Variants in SLCO1A2 observed in about 807,000 individuals in gnomAD.
SLCO1A2 encodes the protein OATP-1.
Under a neutral mutation model 69.0 loss-of-function variants are expected in SLCO1A2, and 67 were observed. The ratio of observed to expected loss-of-function variants is 0.97; its 90% confidence interval spans 0.80 to 1.19. SLCO1A2 has a LOEUF of 1.19. Among genes scored for constraint, SLCO1A2 ranks in the 50% most tolerant of loss-of-function variants. The pLI is 0.00. For missense variants in SLCO1A2, 787 were observed against 793.7 expected (o/e 0.99, Z 0.10); for synonymous variants, 260 against 265.9 (o/e 0.98, Z 0.22).
intron 12 of SLCO1A2, among the ~76,000 whole-genome samples, chr12:21,286,060 A>T (rs1239112562): frequency 4.6e-5 from 7 of 151,942 alleles, no homozygotes; most frequent in Non-Finnish European, 8.8e-5. Flanking sequence ...GAAAAGAGGA[A>T]GTCAAATTGT....
intron 1 of SLCO1A2, among the ~76,000 whole-genome samples, chr12:21,407,457 A>G (rs1941839120): frequency 6.6e-6 from 1 of 152,232 alleles, no homozygotes; most frequent in East Asian, 1.9e-4. Flanking sequence ...ATGGGAATCC[A>G]TAGGAGGGTG....
intron 1 of SLCO1A2, among the ~76,000 whole-genome samples, chr12:21,410,351 A>G (rs542974243): frequency 6.6e-6 from 1 of 152,230 alleles, no homozygotes; most frequent in Non-Finnish European, 1.5e-5. Flanking sequence ...AACTTTATAT[A>G]TAGAGAGATC....
rs181706104 is a variant in SLCO1A2 at position 21,361,594 on chromosome 12, C to T, written c.-63+12805G>A. On this transcript the variant is annotated intron_variant, in intron 2 of 15. Transcript: ENST00000307378. ...GAAGATTGGTAATAACAAACTTCTCCGAGCTAAAGGAGGATGTTTGAACCT... is the reference window on the plus strand; with the variant it reads ...GAAGATTGGTAATAACAAACTTCTCTGAGCTAAAGGAGGATGTTTGAACCT... 3.7e-4 allele frequency among the ~76,000 whole-genome samples: 57 copies of T among 152,170 alleles called. 1 individual carries two copies. The East Asian group carries it at 4.8e-3, about 13-fold the overall frequency.
chr12:21,339,514 GTC>G (rs1199008262), upstream of SLCO1A2, among the ~76,000 whole-genome samples: 3 of 151,924 alleles, frequency 2.0e-5, no homozygotes, highest in South Asian at 2.1e-4. Flanking sequence ...AATGAAGACA[GTC>G]TCTATCTTTG....
intron 1 of SLCO1A2, among the ~76,000 whole-genome samples, chr12:21,384,867 G>A (rs1383406887): frequency 6.7e-6 from 1 of 150,354 alleles, no homozygotes; most frequent in Non-Finnish European, 1.5e-5. Context: ...CCAGGTTCAC[G>A]CCATTCTCCA....
intron 2 of SLCO1A2, among the ~76,000 whole-genome samples, chr12:21,352,664 A>G (rs1938054148): frequency 6.6e-6 from 1 of 152,250 alleles, no homozygotes; most frequent in Non-Finnish European, 1.5e-5. Context: ...ATATTTGTTC[A>G]GAATACACAA....
intron 2 of SLCO1A2, among the ~76,000 whole-genome samples, chr12:21,341,767 C>T (rs986388380): frequency 6.6e-6 from 1 of 151,952 alleles, no homozygotes; most frequent in South Asian, 2.1e-4. Context: ...TACTTTGGGA[C>T]GAGCCAATAA....
upstream of SLCO1A2, among the ~76,000 whole-genome samples, chr12:21,338,084 G>A (rs1314578678): frequency 5.9e-5 from 9 of 151,978 alleles, no homozygotes; most frequent in Admixed American, 5.9e-4. Flanking sequence ...TGAATTCTGT[G>A]TTTAGGGGAA....
At chr12:21,279,081 C>T (rs1356154000) in intron 12 of SLCO1A2, among the ~76,000 whole-genome samples, 1 of 151,774 alleles carries the variant, frequency 6.6e-6, no homozygotes, top group African/African-American at 2.4e-5. Context: ...GCCTCAGAAT[C>T]TCTTAATAGC....
intron 2 of SLCO1A2, among the ~76,000 whole-genome samples, chr12:21,356,535 T>A (rs1040623878): frequency 1.7e-4 from 22 of 127,842 alleles, no homozygotes; most frequent in African/African-American, 5.8e-4. Flanking sequence ...AAAAAATGAG[T>A]CATGATCATA....
intron 9 of SLCO1A2, 49 bp from the exon 10 acceptor site, chr12:21,295,841 C>A (rs1223595822): frequency 1.9e-6 from 2 of 1,034,872 alleles, no homozygotes; most frequent in East Asian, 2.6e-5. Flanking sequence ...ACCAAAGGAA[C>A]AAATATGTTA....
At chr12:21,328,485 T>C (rs1952403360) in intron 2 of SLCO1A2, among the ~76,000 whole-genome samples, 1 of 152,134 alleles carries the variant, frequency 6.6e-6, no homozygotes, top group African/African-American at 2.4e-5. Flanking sequence ...GCTGGATAGA[T>C]GCCTATTCAC....
At chr12:21,318,257 T>C (rs935022587) in intron 3 of SLCO1A2, among the ~76,000 whole-genome samples, 2 of 151,986 alleles carry the variant, frequency 1.3e-5, no homozygotes, top group African/African-American at 4.8e-5. Flanking sequence ...TAGCTGGGAC[T>C]ACAGGCGCCC....
At chr12:21,359,532 T>C (rs1938646129) in intron 2 of SLCO1A2, among the ~76,000 whole-genome samples, 1 of 152,172 alleles carries the variant, frequency 6.6e-6, no homozygotes, top group African/African-American at 2.4e-5. Flanking sequence ...TGGCAAGCCA[T>C]GTCCATGCAT....
chr12:21,406,162 G>GTGTGTGTC (rs563573968), intron 1 of SLCO1A2, among the ~76,000 whole-genome samples: 82 of 152,360 alleles, frequency 5.4e-4, no homozygotes, highest in African/African-American at 1.9e-3. Context: ...TTTAAAATGT[G>GTGTGTGTC]TGTGTGTCTG....
At chr12:21,319,379 G>A (rs769325573) in intron 2 of SLCO1A2, 21 of 1,367,742 alleles carry the variant, frequency 1.5e-5, no homozygotes, top group East Asian at 9.1e-5. Context: ...TACCTTGGCC[G>A]ACTCCACTCT....
At chr12:21,275,071 A>G in intron 13 of SLCO1A2, 2 of 1,030,464 alleles carry the variant, frequency 1.9e-6, no homozygotes, top group Non-Finnish European at 1.2e-6. Context: ...CTGAAATAAT[A>G]TTACCTTGTT....
In SLCO1A2 at chr12:21,317,800, A is replaced by C. The variant is rs569916378; in HGVS notation, c.202+982T>G. 3.8e-3 allele frequency among the ~76,000 whole-genome samples: 575 copies of C among 152,312 alleles called. 3 individuals are homozygous for C. The highest frequency in any genetic ancestry group is 0.01 in the Middle Eastern group (3 of 294). ...CTTGAAGAAAGTGGAAGCTATTATA[A>C]AACTAGAAAGGAGTGACACTTATAT... On this transcript the variant is annotated intron_variant, in intron 3 of 14. Transcript: ENST00000683939.
intron 8 of SLCO1A2, 36 bp downstream of exon 8, chr12:21,300,312 G>T (rs1219847943): frequency 3.5e-6 from 5 of 1,409,558 alleles, no homozygotes; most frequent in Middle Eastern, 2.0e-4. Context: ...TGAAATAAAA[G>T]GTCAATTTCA....
Sources: gnomAD v4.1 joint callset for allele counts (sites outside exome capture counted in the v4.1 genomes callset) on GRCh38, gnomAD v4.1.1 for gene constraint, MANE v1.5 for transcripts, NCBI Gene and HGNC (gene_info 2026-07-23, HGNC 2026-07-21) for gene names.